Variants in WDR27 observed in about 807,000 individuals in gnomAD.
The protein encoded by WDR27 is WD repeat-containing protein 27.
In WDR27, 100 loss-of-function variants were observed where a neutral mutation model predicts 114.4. That is an observed-to-expected ratio of 0.87 (90% CI 0.74 to 1.03). The LOEUF (loss-of-function observed/expected upper bound fraction) is 1.03, where lower values mean the gene tolerates loss of function less well. WDR27 is among the 50% of genes least tolerant of loss of function. The probability of loss-of-function intolerance (pLI) is 0.00; values close to 1 mark genes in which losing one functional copy is unlikely to be tolerated. For missense variants in WDR27, 1,129 were observed against 1,092.9 expected (o/e 1.03, Z -0.47); for synonymous variants, 449 against 423.1 (o/e 1.06, Z -0.75).
intron 15 of WDR27, among the ~76,000 whole-genome samples, chr6:169,648,788 C>T (rs558557988): frequency 2.6e-5 from 4 of 152,322 alleles, no homozygotes; most frequent in Admixed American, 2.0e-4. Flanking sequence ...CAGTCAGAGC[C>T]GCAGCCAGTG....
chr6:169,540,782 G>C (rs1027127109), intron 25 of WDR27, among the ~76,000 whole-genome samples: 1 of 152,032 alleles, frequency 6.6e-6, no homozygotes, highest in Non-Finnish European at 1.5e-5. Flanking sequence ...CTGTCCACCT[G>C]CATGAACCTG....
intron 14 of WDR27, among the ~76,000 whole-genome samples, chr6:169,651,343 C>T (rs1310407626): frequency 6.6e-6 from 1 of 152,002 alleles, no homozygotes; most frequent in African/African-American, 2.4e-5. Context: ...CATAAAAAGT[C>T]AAGAGGTGAG....
At position 169,616,966 on chromosome 6, in the gene WDR27, G is replaced by A. The variant is rs531563564; in HGVS notation, c.2224-3310C>T. 2.0e-4 allele frequency among the ~76,000 whole-genome samples: 30 copies of A among 152,230 alleles called. 1 individual carries two copies. The Middle Eastern group carries it at 0.014, about 69-fold the overall frequency. ...ATAAAAATAGTGCATGCCCAAACTG[G>A]TAAAGTGCAATTTCAGCATGAAAAA... On this transcript the variant is annotated intron_variant, in intron 21 of 25. Transcript: ENST00000448612.
chr6:169,431,618 A>G, the WDR27 span, among the ~76,000 whole-genome samples: 3 of 152,104 alleles, frequency 2.0e-5, no homozygotes, highest in African/African-American at 4.8e-5. Flanking sequence ...CCTGATGAGT[A>G]TGTACTTTAT....
chr6:169,691,218 AAAATT>A (rs1222692853), intron 1 of WDR27, among the ~76,000 whole-genome samples: 6 of 152,322 alleles, frequency 3.9e-5, no homozygotes, highest in South Asian at 2.1e-4. Flanking sequence ...CTGTCTCAAA[AAAATT>A]AAATTAAATT....
downstream of WDR27, among the ~76,000 whole-genome samples, chr6:169,454,543 A>G (rs1784276291): frequency 6.6e-6 from 1 of 152,206 alleles, no homozygotes; most frequent in Non-Finnish European, 1.5e-5. Context: ...CTAAGGAAAA[A>G]GAATGAGCTC....
intron 23 of WDR27, among the ~76,000 whole-genome samples, chr6:169,588,148 T>G (rs957495518): frequency 1.3e-5 from 2 of 152,200 alleles, no homozygotes; most frequent in African/African-American, 4.8e-5. Flanking sequence ...ACACAGCATT[T>G]TAAGGGATAC....
chr6:169,619,647 A>G (rs1316320531), intron 21 of WDR27, among the ~76,000 whole-genome samples: 3 of 152,176 alleles, frequency 2.0e-5, no homozygotes, highest in Non-Finnish European at 4.4e-5. Context: ...TCTGGTTGAC[A>G]ATTGGTTGAG....
intron 21 of WDR27, among the ~76,000 whole-genome samples, chr6:169,629,268 T>C (rs1251101037): frequency 6.6e-6 from 1 of 152,268 alleles, no homozygotes; most frequent in Non-Finnish European, 1.5e-5. Flanking sequence ...AAATTATATT[T>C]TGCATTTGCA....
At chr6:169,666,795 C>T in intron 6 of WDR27, 1 of 1,020,070 alleles carries the variant, frequency 9.8e-7, no homozygotes, top group East Asian at 9.1e-5. Flanking sequence ...CCTGGCCCTA[C>T]CAACACCGCT....
At chr6:169,560,402 A>G (rs1447865248) in intron 25 of WDR27, among the ~76,000 whole-genome samples, 1 of 152,248 alleles carries the variant, frequency 6.6e-6, no homozygotes, top group Non-Finnish European at 1.5e-5. Flanking sequence ...AAATGGACCA[A>G]TACAACCTCA....
At chr6:169,436,107 A>G in the WDR27 span, among the ~76,000 whole-genome samples, 6 of 152,212 alleles carry the variant, frequency 3.9e-5, no homozygotes, top group African/African-American at 1.4e-4. Context: ...ACCAGAATAT[A>G]TAAAAGAGCT....
At position 169,645,042 on chromosome 6, in the gene WDR27, A is replaced by T. The variant is rs1381613349; in HGVS notation, c.1658-1256T>A. Among the ~76,000 whole-genome samples the T allele has an allele frequency of 2.5e-3, 336 of 134,156 alleles. 27 individuals are homozygous for T. Among genetic ancestry groups the T allele is most frequent in the Admixed American group, 9.9e-3 (129 of 13,032 alleles). 88.0% of individuals were successfully genotyped at this position (134,156 alleles called of 152,430 possible). On this transcript the variant is annotated intron_variant, in intron 16 of 25. Transcript: ENST00000448612. ...AAAAAATAAAAAAAAAAAATAAAAA[A>T]AAAAAAAAAAAAAAAAGAAAATCCT... is the stretch of plus-strand genomic sequence containing the variant.
chr6:169,545,617 G>A (rs549604900), intron 25 of WDR27, among the ~76,000 whole-genome samples: 104 of 152,282 alleles, frequency 6.8e-4, no homozygotes, highest in Non-Finnish European at 1.4e-3. Context: ...GGCAGAGACT[G>A]CAGTGAGCTG....
At chr6:169,592,241 A>C (rs9295019) in intron 23 of WDR27, among the ~76,000 whole-genome samples, 144,977 of 152,242 alleles carry the variant, frequency 0.95, 69,107 homozygotes, top group Admixed American at 0.98. Context: ...ACCTACTGGC[A>C]TTTTGTTGTT....
intron 25 of WDR27, among the ~76,000 whole-genome samples, chr6:169,490,221 T>G (rs925255962): frequency 1.3e-5 from 2 of 152,222 alleles, no homozygotes; most frequent in African/African-American, 2.4e-5. Context: ...TTTACTAGAA[T>G]AGGTTTAACC....
intron 25 of WDR27, among the ~76,000 whole-genome samples, chr6:169,500,374 T>C (rs1791007364): frequency 1.3e-5 from 2 of 152,086 alleles, no homozygotes. Flanking sequence ...CATTACTGTC[T>C]CACAAATGCT....
intron 23 of WDR27, among the ~76,000 whole-genome samples, chr6:169,594,705 A>T (rs1356031792): frequency 6.6e-6 from 1 of 152,218 alleles, no homozygotes; most frequent in Non-Finnish European, 1.5e-5. Flanking sequence ...GTGCGATACT[A>T]AAATCATATA....
intron 2 of WDR27, among the ~76,000 whole-genome samples, chr6:169,673,796 T>G (rs1450996853): frequency 6.6e-6 from 1 of 152,184 alleles, no homozygotes; most frequent in Non-Finnish European, 1.5e-5. Context: ...GCTGATTGCC[T>G]TAATGTTGAT....
Sources: gnomAD v4.1 joint callset for allele counts (sites outside exome capture counted in the v4.1 genomes callset) on GRCh38, gnomAD v4.1.1 for gene constraint, MANE v1.5 for transcripts, NCBI Gene and HGNC (gene_info 2026-07-23, HGNC 2026-07-21) for gene names.